The following NGEF variants were observed in gnomAD, a reference collection of about 807,000 sequenced individuals.
NGEF encodes ephexin-1.
In NGEF, 31 loss-of-function variants were observed where a neutral mutation model predicts 80.9. The ratio of observed to expected loss-of-function variants is 0.38; its 90% CI spans 0.29 to 0.52. NGEF has a LOEUF of 0.52. Ranked by LOEUF, NGEF falls within the 20% of genes least tolerant of loss-of-function variation. The pLI, the probability that NGEF is intolerant of heterozygous loss-of-function variation, is 0.84. For missense variants in NGEF, 709 were observed against 926.2 expected (o/e 0.77, Z 3.04); for synonymous variants, 371 against 370.2 (o/e 1.00, Z -0.03).
At chr2:232,898,632 C>T (rs189693086) in intron 5 of NGEF, among the ~76,000 whole-genome samples, 7 of 152,304 alleles carry the variant, frequency 4.6e-5, no homozygotes, top group East Asian at 1.9e-4. Flanking sequence ...ATAGAGCTGA[C>T]GAGGGATCCA....
intron 3 of NGEF, among the ~76,000 whole-genome samples, chr2:232,949,606 T>C (rs1693635594): frequency 6.6e-6 from 1 of 151,636 alleles, no homozygotes; most frequent in South Asian, 2.1e-4. Flanking sequence ...GCCTCCCTAG[T>C]AGCTGGGATT....
At chr2:232,970,156 A>C in intron 3 of NGEF, 58 bp downstream of exon 3, 1 of 970,014 alleles carries the variant, frequency 1.0e-6, no homozygotes, top group East Asian at 2.9e-5. Context: ...TCTTTGCAGC[A>C]ATGACCTCTG....
intron 3 of NGEF, among the ~76,000 whole-genome samples, chr2:232,938,214 A>G (rs1488906137): frequency 6.6e-6 from 1 of 152,222 alleles, no homozygotes; most frequent in Non-Finnish European, 1.5e-5. Flanking sequence ...TTCCAGGCAT[A>G]AGAGGCAGCC....
At chr2:232,909,435 AT>A (rs60593507) in intron 5 of NGEF, among the ~76,000 whole-genome samples, 123,986 of 151,876 alleles carry the variant, frequency 0.82, 50,694 homozygotes, top group East Asian at 0.86. Flanking sequence ...GTTTTATGTA[AT>A]TTTTTTTTAC....
chr2:232,921,957 C>T (rs1478206004), intron 4 of NGEF, among the ~76,000 whole-genome samples: 2 of 152,070 alleles, frequency 1.3e-5, no homozygotes, highest in African/African-American at 4.8e-5. Flanking sequence ...AGACCAGAGG[C>T]CCCACTGGAG....
chr2:232,970,162 C>T (rs1694155915), intron 3 of NGEF, 52 bp downstream of exon 3: 4 of 1,059,920 alleles, frequency 3.8e-6, no homozygotes, highest in Non-Finnish European at 5.5e-6. Flanking sequence ...CAGCAATGAC[C>T]TCTGATGCAT....
chr2:232,993,128 T>A (rs945872638), intron 1 of NGEF, among the ~76,000 whole-genome samples: 2 of 122,760 alleles, frequency 1.6e-5, no homozygotes, highest in African/African-American at 3.8e-5. Context: ...TAAATAAATA[T>A]ATATTTATTT....
In NGEF at chr2:232,892,765, G is replaced by T; in HGVS notation, c.1142+133C>A. ...ACCAGTATCCCTGGCCAACTCCGGT[G>T]GCTCATGTGGACCTTGGGAACGCAG... On this transcript the variant is annotated intron_variant, in intron 7 of 14. Transcript: ENST00000264051. This position sits in a 1 kb window ranked among gnomAD's most constrained non-coding sequence, Gnocchi z 4.0. 1 of 963,472 alleles carries T rather than the reference G, an allele frequency of 1.0e-6. No individual in the cohort carries two copies. The highest frequency in any genetic ancestry group is 1.6e-6 in the Non-Finnish European group (1 of 638,608). The allele number at this position is 963,472 out of a possible 1,614,324, so 59.7% of individuals were successfully genotyped here.
chr2:232,965,877 G>C (rs1349619287), intron 3 of NGEF, among the ~76,000 whole-genome samples: 2 of 151,990 alleles, frequency 1.3e-5, no homozygotes, highest in Non-Finnish European at 2.9e-5. Context: ...AGGGGGCACA[G>C]GTTCATGGGC....
intron 1 of NGEF, among the ~76,000 whole-genome samples, chr2:232,992,317 G>T (rs559666732): frequency 2.0e-5 from 3 of 152,074 alleles, no homozygotes; most frequent in Admixed American, 6.5e-5. Context: ...CAGCACTTTG[G>T]GGGGCCGAGG....
chr2:232,940,930 C>T (rs1199080667), intron 3 of NGEF, among the ~76,000 whole-genome samples: 2 of 152,164 alleles, frequency 1.3e-5, no homozygotes. Context: ...CTAGACAGAG[C>T]CAATTCCTCA....
chr2:232,960,231 G>A (rs4558577), intron 3 of NGEF, among the ~76,000 whole-genome samples: 120,786 of 152,286 alleles, frequency 0.79, 48,506 homozygotes, highest in African/African-American at 0.92. Context: ...CACATATTAA[G>A]GTTTTTTTCT....
chr2:232,999,617 C>T (rs140845515), intron 1 of NGEF, among the ~76,000 whole-genome samples: 4 of 152,360 alleles, frequency 2.6e-5, no homozygotes, highest in Middle Eastern at 3.4e-3. Context: ...ACAAGGATTG[C>T]ACCTTCTAGG....
At chr2:232,993,014 C>T (rs2106335023) in intron 1 of NGEF, among the ~76,000 whole-genome samples, 1 of 143,970 alleles carries the variant, frequency 6.9e-6, no homozygotes, top group African/African-American at 2.6e-5. Context: ...TACACACACA[C>T]ACACACGCAC....
chr2:232,885,040 G>T, intron 10 of NGEF: 1 of 531,710 alleles, frequency 1.9e-6, no homozygotes, highest in Non-Finnish European at 3.4e-6. Context: ...GGTCTGGGCC[G>T]CACACTAGCC....
chr2:232,905,224 G>C (rs893396003), intron 5 of NGEF, among the ~76,000 whole-genome samples: 2 of 152,194 alleles, frequency 1.3e-5, no homozygotes, highest in Non-Finnish European at 2.9e-5. Context: ...GCCTCAGCCT[G>C]CCGAGTGCCT....
chr2:232,906,656 C>T lies in NGEF; in HGVS notation c.829-11740G>A, dbSNP rs369655627. Among the ~76,000 whole-genome samples the T allele has an allele frequency of 6.3e-4, 57 of 89,836 alleles. 23 individuals are homozygous for T. The highest frequency in any genetic ancestry group is 1.1e-3 in the Non-Finnish European group (46 of 41,874). The allele number at this position is 89,836 out of a possible 152,430, so 58.9% of individuals were successfully genotyped here. On this transcript the variant is annotated intron_variant, in intron 5 of 14. Coordinates refer to ENST00000264051, the MANE Select transcript of NGEF (RefSeq NM_019850.3). ...CTGGGAAGTGAGGAGCCCCTCTGCC[C>T]GGCCACCACCCCATCTGGGAGGTGT...
chr2:232,993,131 ATT>A lies in NGEF; in HGVS notation c.-74-18169_-74-18168del, dbSNP rs373611753. 1.5e-3 allele frequency among the ~76,000 whole-genome samples: 199 copies of A among 128,396 alleles called. 3 individuals carry two copies. Among genetic ancestry groups the A allele is most frequent in the African/African-American group, 5.4e-3 (173 of 31,820 alleles). 84.2% of individuals were successfully genotyped at this position (128,396 alleles called of 152,430 possible). On this transcript the variant is annotated intron_variant, in intron 1 of 14. Transcript: ENST00000264051. Reference sequence around the variant, plus strand: ...AATATATATATATAAATAAATATATATTTATTTATATATATATGGGCAAATAT... The same window carrying A: ...AATATATATATATAAATAAATATATATATTTATATATATATGGGCAAATAT...
intron 5 of NGEF, among the ~76,000 whole-genome samples, chr2:232,904,995 T>C (rs994264996): frequency 6.6e-6 from 1 of 152,144 alleles, no homozygotes; most frequent in Admixed American, 6.5e-5. Context: ...GAGAAAGTCC[T>C]ATGCAGGAAC....
Sources: gnomAD v4.1 joint callset for allele counts (sites outside exome capture counted in the v4.1 genomes callset) on GRCh38, gnomAD v4.1.1 for gene constraint, Gnocchi (gnomAD v3.1) non-coding constraint, MANE v1.5 for transcripts, NCBI Gene and HGNC (gene_info 2026-07-23, HGNC 2026-07-21) for gene names.